TUBGCP2: variants seen among roughly 807,000 people sequenced by gnomAD.
TUBGCP2 encodes gamma-tubulin complex component 2.
TUBGCP2 carries 55 observed loss-of-function variants against 92.2 expected under a neutral mutation model. The ratio of observed to expected loss-of-function variants is 0.60; its 90% confidence interval spans 0.48 to 0.75. The LOEUF (loss-of-function observed/expected upper bound fraction) is 0.75. Among genes scored for constraint, TUBGCP2 ranks in the 30% least tolerant of loss-of-function variants. The pLI is 0.00. For synonymous variants in TUBGCP2, 533 were observed against 505.2 expected (o/e 1.06, Z -0.74); for missense variants, 1,093 against 1,188.9 (o/e 0.92, Z 1.19).
intron 4 of TUBGCP2, among the ~76,000 whole-genome samples, chr10:133,298,502 T>C (rs1422898403): frequency 6.6e-6 from 1 of 152,212 alleles, no homozygotes; most frequent in Non-Finnish European, 1.5e-5. Context: ...GAACACCACT[T>C]GATGGGTGAA....
chr10:133,297,428 T>C (rs966966976), intron 5 of TUBGCP2: 1 of 452,184 alleles, frequency 2.2e-6, no homozygotes, highest in African/African-American at 2.0e-5. Flanking sequence ...AAAATAAAAA[T>C]GTACCCATGA....
In TUBGCP2 at chr10:133,293,169, G is replaced by T. The variant is rs1215315295; in HGVS notation, c.894C>A (p.Thr298=). ...CCAGAATCAGGTGCTCCTTCACCAG[G>T]GTGCGCATGGCGGCCGCCAGGGCGT... is the stretch of plus-strand genomic sequence containing the variant. ...VNHALAAAMR[T]LVKEHLILVS... The change falls in exon 7 of 18, where the codon ACC becomes ACA. Residue 298 remains threonine (T), a synonymous_variant. Coordinates refer to ENST00000252936, the MANE Select transcript of TUBGCP2 (RefSeq NM_006659.4). 6.2e-7 allele frequency: 1 copy of T among 1,613,958 alleles called. No individual in the cohort carries two copies. The highest frequency in any genetic ancestry group is 1.7e-5 in the Admixed American group (1 of 60,034).
At chr10:133,297,436 T>G (rs568914928) in intron 5 of TUBGCP2, 14 of 452,334 alleles carry the variant, frequency 3.1e-5, no homozygotes, top group Non-Finnish European at 6.2e-5. Flanking sequence ...AATGTACCCA[T>G]GAATTGTGAC....
At chr10:133,289,785 T>G in intron 9 of TUBGCP2, 39 bp downstream of exon 9, 1 of 1,610,920 alleles carries the variant, frequency 6.2e-7, no homozygotes, top group Non-Finnish European at 8.5e-7. Context: ...CAGGCAGAGC[T>G]GTGCTGCGCA....
In TUBGCP2 at chr10:133,293,173, C is replaced by T. The variant is rs780547006; in HGVS notation, c.890G>A (p.Arg297His). ...QVNHALAAAM[R>H]TLVKEHLILV... ...AATCAGGTGCTCCTTCACCAGGGTG[C>T]GCATGGCGGCCGCCAGGGCGTGGTT... The change falls in exon 7 of 18, where the codon CGC (arginine) becomes CAC (histidine). Residue 297 changes from arginine to histidine, a missense_variant. Arg to His is a conservative substitution (Grantham distance 29). Around this residue, in one of 3 missense-constraint regions of TUBGCP2, gnomAD observed 490 missense variants for 488.5 expected, o/e 1.00. Coordinates refer to ENST00000252936, the MANE Select transcript of TUBGCP2 (RefSeq NM_006659.4). The T allele has an allele frequency of 6.2e-6, 10 of 1,613,786 alleles. No homozygotes were observed. Among genetic ancestry groups the T allele is most frequent in the South Asian group, 3.3e-5 (3 of 91,094 alleles).
intron 1 of TUBGCP2, among the ~76,000 whole-genome samples, chr10:133,305,139 G>A (rs1351630136): frequency 6.6e-6 from 1 of 152,188 alleles, no homozygotes; most frequent in Non-Finnish European, 1.5e-5. Context: ...CTGTGATGCT[G>A]TGCTTCAGCG....
At chr10:133,310,465 C>A (rs1459618260), upstream of TUBGCP2, 11 of 795,832 alleles carry the variant, frequency 1.4e-5, no homozygotes, top group Non-Finnish European at 2.1e-5. Flanking sequence ...TGCCAGCGGC[C>A]ACCCTGCCGA....
rs368354424 is a variant in TUBGCP2 at position 133,292,003 on chromosome 10, C to A, written c.1214+496G>T. Among the ~76,000 whole-genome samples, 62 of 10,542 alleles carry A rather than the reference C, an allele frequency of 5.9e-3. 12 individuals carry two copies. The highest frequency in any genetic ancestry group is 0.012 in the African/African-American group (34 of 2,920). 6.9% of individuals were successfully genotyped at this position (10,542 alleles called of 152,430 possible). A position where few individuals can be genotyped will look rare whatever the true frequency, so the allele number is the denominator to read the frequency against. The stretch of plus-strand genomic sequence containing the variant: ...CTGTACGGGAGAGGGCAGCACGCAC[C>A]CTCCGTGTCCCCCATGTCCCTCTGT... On this transcript the variant is annotated intron_variant, in intron 8 of 17. Coordinates refer to ENST00000252936, the MANE Select transcript of TUBGCP2 (RefSeq NM_006659.4).
chr10:133,285,088 T>G lies in TUBGCP2; in HGVS notation c.2021A>C (p.Gln674Pro). 6.2e-7 allele frequency: 1 copy of G among 1,604,156 alleles called. No homozygotes were observed. Among genetic ancestry groups the G allele is most frequent in the Non-Finnish European group, 8.5e-7 (1 of 1,172,956 alleles). The change falls in exon 13 of 18, where the codon CAG becomes CCG. Residue 674 changes from glutamine (Q) to proline (P), a missense_variant. Gln to Pro is a moderately conservative substitution (Grantham distance 76). Transcript: ENST00000252936. This position sits in a 1 kb window ranked among gnomAD's most constrained non-coding sequence, Gnocchi z 6.8. Reference protein sequence around the residue: ...TAKQHSLHSAQWFAGAFTLRQ... With the variant: ...TAKQHSLHSAPWFAGAFTLRQ... ...CGGGGGCAGAGGAAGAACGCACCAC[T>G]GGGCGGAGTGCAGCGAGTGCTGCTT... is the stretch of plus-strand genomic sequence containing the variant.
In TUBGCP2 at chr10:133,283,954, C is replaced by G. The variant is rs1161908115; in HGVS notation, c.2073G>C (p.Gln691His). ...TLRQRMLNFV[Q>H]NIQYYMMFEV... ...CAAACATCATGTAGTATTGAATATTCTGGACGAAGTTGAGCATTCGCTGCC... is the reference window on the plus strand; with the variant it reads ...CAAACATCATGTAGTATTGAATATTGTGGACGAAGTTGAGCATTCGCTGCC... The change falls in exon 14 of 18, where the codon CAG becomes CAC. Residue 691 changes from glutamine to histidine, a missense_variant. By Grantham distance (24) the Gln-to-His change is conservative (BLOSUM62 0). Around this residue, in one of 3 missense-constraint regions of TUBGCP2, gnomAD observed 598 missense variants for 675.5 expected, o/e 0.89. Coordinates refer to ENST00000252936, the MANE Select transcript of TUBGCP2 (RefSeq NM_006659.4). 1 of 1,614,168 alleles carries G rather than the reference C, an allele frequency of 6.2e-7. No individual in the cohort carries two copies. Among genetic ancestry groups the G allele is most frequent in the South Asian group, 1.1e-5 (1 of 91,082 alleles).
At chr10:133,309,185 C>T (rs1847922801), upstream of TUBGCP2, 2 of 1,385,144 alleles carry the variant, frequency 1.4e-6, no homozygotes, top group African/African-American at 3.1e-5. Flanking sequence ...GTGGGAGGGG[C>T]CTACGACTGC....
rs754171795 is a variant in TUBGCP2 at position 133,282,243 on chromosome 10, G to A, written c.2389C>T (p.Arg797Trp). 34 of 1,611,504 alleles carry A rather than the reference G, an allele frequency of 2.1e-5. No homozygotes were observed. Among genetic ancestry groups the A allele is most frequent in the South Asian group, 1.8e-4 (16 of 90,842 alleles). The change falls in exon 16 of 18, where the codon CGG becomes TGG. Residue 797 changes from arginine (R) to tryptophan (W), a missense_variant. By Grantham distance (101) the Arg-to-Trp change is moderately radical. Coordinates refer to ENST00000252936, the MANE Select transcript of TUBGCP2 (RefSeq NM_006659.4). ...CGCACCTTCCTGGCGAGCTCCTTCC[G>A]GGCCCGCTCCTCGGCCCCTGCGGGC... is the stretch of plus-strand genomic sequence containing the variant. ...GLPAGAEERA[R>W]KELARKHLAE...
chr10:133,287,222 C>G (rs1264630214), intron 11 of TUBGCP2, among the ~76,000 whole-genome samples: 1 of 152,176 alleles, frequency 6.6e-6, no homozygotes, highest in Non-Finnish European at 1.5e-5. Flanking sequence ...AGGGACTGAG[C>G]AGACCTGTGG....
At chr10:133,300,194 CAAT>C in intron 2 of TUBGCP2, 81 bp from the exon 3 acceptor site, 1 of 1,500,446 alleles carries the variant, frequency 6.7e-7, no homozygotes, top group Non-Finnish European at 9.0e-7. Context: ...AAATTGAACA[CAAT>C]AAGCCAATGG....
upstream of TUBGCP2, chr10:133,311,704 C>G (rs1186060009): frequency 6.2e-7 from 1 of 1,609,444 alleles, no homozygotes; most frequent in Non-Finnish European, 8.5e-7. Flanking sequence ...ACTCACTGCT[C>G]TCTCCCCGCA....
chr10:133,312,244 T>C, upstream of TUBGCP2: 1 of 1,352,852 alleles, frequency 7.4e-7, no homozygotes, highest in Non-Finnish European at 9.5e-7. Flanking sequence ...CTTCCTAGCA[T>C]GACCTGTGCC....
intron 1 of TUBGCP2, among the ~76,000 whole-genome samples, chr10:133,304,292 C>A (rs548655887): frequency 6.6e-6 from 1 of 152,136 alleles, no homozygotes; most frequent in East Asian, 1.9e-4. Context: ...CCTGTCTCAA[C>A]AAAAAACAAA....
At chr10:133,306,749 C>T (rs983861244) in intron 1 of TUBGCP2, among the ~76,000 whole-genome samples, 6 of 152,154 alleles carry the variant, frequency 3.9e-5, no homozygotes, top group African/African-American at 1.4e-4. Flanking sequence ...GATCACACCA[C>T]TGCATTCCAG....
At chr10:133,310,501 C>T, upstream of TUBGCP2, 2 of 603,046 alleles carry the variant, frequency 3.3e-6, no homozygotes, top group Non-Finnish European at 5.7e-6. Flanking sequence ...GAGCCCCTGG[C>T]TGCCCAGCTC....
Sources: gnomAD v4.1 joint callset for allele counts (sites outside exome capture counted in the v4.1 genomes callset) on GRCh38, gnomAD v4.1.1 for gene constraint, gnomAD v4.1.1 regional missense constraint, Gnocchi (gnomAD v3.1) non-coding constraint, MANE v1.5 for transcripts, NCBI Gene and HGNC (gene_info 2026-07-23, HGNC 2026-07-21) for gene names.